PUM1: variants seen among roughly 807,000 people sequenced by gnomAD.
The protein encoded by PUM1 is pumilio homolog 1.
A neutral mutation model predicts 131.8 loss-of-function variants in PUM1; 13 were observed. That is an observed-to-expected ratio of 0.10 (90% CI 0.06 to 0.16). PUM1 has a LOEUF of 0.16. Among genes scored for constraint, PUM1 ranks in the 10% least tolerant of loss-of-function variants. The probability of loss-of-function intolerance (pLI) is 1.00; values close to 1 mark genes in which losing one functional copy is unlikely to be tolerated. For missense variants in PUM1, 961 were observed against 1,512.4 expected, an observed-to-expected ratio of 0.64 and a Z score of 6.05; for synonymous variants, 509 against 556.5, an observed-to-expected ratio of 0.91 and a Z score of 1.20.
chr1:31,035,039 T>G (rs556543514), intron 2 of PUM1, among the ~76,000 whole-genome samples: 2 of 152,338 alleles, frequency 1.3e-5, no homozygotes, highest in East Asian at 3.9e-4. Context: ...CTACAGCATC[T>G]TCTGCACACG....
At chr1:30,969,695 T>C (rs1017617920) in intron 10 of PUM1, among the ~76,000 whole-genome samples, 16 of 152,196 alleles carry the variant, frequency 1.1e-4, no homozygotes, top group Admixed American at 3.9e-4. Flanking sequence ...GACAGGGCCA[T>C]GCTCTGCTGC....
chr1:31,030,775 T>C (rs1412333563), intron 2 of PUM1, among the ~76,000 whole-genome samples: 4 of 152,114 alleles, frequency 2.6e-5, no homozygotes, highest in Non-Finnish European at 5.9e-5. Flanking sequence ...CTAAGAATCT[T>C]AACTGTCAGA....
intron 2 of PUM1, among the ~76,000 whole-genome samples, chr1:31,035,068 C>G (rs1643563017): frequency 6.6e-6 from 1 of 152,188 alleles, no homozygotes; most frequent in Non-Finnish European, 1.5e-5. Flanking sequence ...GTATTAATAA[C>G]AACTATTACT....
intron 7 of PUM1, among the ~76,000 whole-genome samples, chr1:30,983,088 G>A (rs764922965): frequency 2.0e-5 from 3 of 152,198 alleles, no homozygotes; most frequent in Non-Finnish European, 4.4e-5. Flanking sequence ...TCCAGGAAGG[G>A]AGCCAGTCAA....
At chr1:31,036,061 T>C (rs74742904) in intron 2 of PUM1, among the ~76,000 whole-genome samples, 8 of 151,726 alleles carry the variant, frequency 5.3e-5, no homozygotes, top group East Asian at 1.9e-4. Context: ...AGATCCGAAA[T>C]AGAATTCAAA....
At chr1:31,060,808 C>G (rs980828395) in intron 1 of PUM1, among the ~76,000 whole-genome samples, 1 of 151,326 alleles carries the variant, frequency 6.6e-6, no homozygotes, top group Admixed American at 6.6e-5. Context: ...ATCGTTTGAA[C>G]CCGGGAGGCA....
At chr1:31,032,707 TA>T (rs1307126905) in intron 2 of PUM1, among the ~76,000 whole-genome samples, 1 of 152,194 alleles carries the variant, frequency 6.6e-6, no homozygotes, top group African/African-American at 2.4e-5. Context: ...CTCATGAGGC[TA>T]AAGCAGGAGG....
chr1:30,971,677 A>AT (rs1384449395), intron 10 of PUM1, among the ~76,000 whole-genome samples: 1 of 152,172 alleles, frequency 6.6e-6, no homozygotes, highest in Non-Finnish European at 1.5e-5. Flanking sequence ...CACAAATTGT[A>AT]TTTCCTCAAT....
At chr1:30,985,209 C>A (rs1190129730) in intron 7 of PUM1, among the ~76,000 whole-genome samples, 2 of 152,134 alleles carry the variant, frequency 1.3e-5, no homozygotes, top group East Asian at 1.9e-4. Flanking sequence ...TTATAAGAGT[C>A]CTTTATGTGT....
At chr1:30,991,067 G>GT (rs1641769376) in intron 7 of PUM1, among the ~76,000 whole-genome samples, 1 of 123,916 alleles carries the variant, frequency 8.1e-6, no homozygotes, top group African/African-American at 3.8e-5. Context: ...GTAAAGAACA[G>GT]TTTAAAAAAA....
rs773718125 is a variant in PUM1, at chr1:31,049,823, CTTTTTTTTTTTTT to C, written c.363+9368_363+9380del. On this transcript the variant is annotated intron_variant, in intron 2 of 21. Transcript: ENST00000426105. Reference sequence around the variant, plus strand: ...AGAGAAGAGCATCTGACTGAACTTCCTTTTTTTTTTTTTTTTTTTTTTTTGAGACAGAGTCTTG... The same window carrying C: ...AGAGAAGAGCATCTGACTGAACTTCCTTTTTTTTTTTGAGACAGAGTCTTG... Among the ~76,000 whole-genome samples the C allele has an allele frequency of 6.7e-3, 540 of 80,046 alleles. 3 individuals carry two copies. Among genetic ancestry groups the C allele is most frequent in the Admixed American group, 0.012 (65 of 5,398 alleles). The allele number at this position is 80,046 out of a possible 152,430, so 52.5% of individuals were successfully genotyped here.
chr1:30,964,522 C>CT (rs1185906646), intron 14 of PUM1, 152 bp downstream of exon 14: 3 of 730,204 alleles, frequency 4.1e-6, no homozygotes, highest in African/African-American at 1.8e-5. Context: ...TAGGTACAGC[C>CT]TGAATAACAT....
In PUM1 at chr1:30,989,571, C is replaced by CAAAAAAAAAA. The variant is rs1174565063; in HGVS notation, c.1158+2809_1158+2818dup. On this transcript the variant is annotated intron_variant, in intron 7 of 21. Transcript: ENST00000426105. ...TGGGCAAAAGAGTGAGACTCCGTCT[C>CAAAAAAAAAA]AAAAAAAAAAAAAAAAAAAAAAAAA... Among the ~76,000 whole-genome samples, 169 of 27,700 alleles carry CAAAAAAAAAA rather than the reference C, an allele frequency of 6.1e-3. 14 individuals are homozygous for CAAAAAAAAAA. Among genetic ancestry groups the CAAAAAAAAAA allele is most frequent in the Non-Finnish European group, 7.7e-3 (115 of 14,866 alleles). 18.2% of individuals were successfully genotyped at this position (27,700 alleles called of 152,430 possible). A position where few individuals can be genotyped will look rare whatever the true frequency, so the allele number is the denominator to read the frequency against.
chr1:30,974,920 A>G, intron 9 of PUM1, 118 bp from the exon 10 acceptor site: 1 of 721,198 alleles, frequency 1.4e-6, no homozygotes, highest in Non-Finnish European at 2.2e-6. Flanking sequence ...AAAAGTATAT[A>G]TTAATTTATG....
chr1:31,014,124 A>G lies in PUM1; in HGVS notation c.433-7022T>C, dbSNP rs1037172869. ...AAGACCAGCCTGGAAAACATGTGAC[A>G]GCCCATCTCTACAAAAACTTAAAAA... On this transcript the variant is annotated intron_variant, in intron 3 of 21. Coordinates refer to ENST00000426105, the MANE Select transcript of PUM1 (RefSeq NM_001020658.2). Among the ~76,000 whole-genome samples, 13 of 151,786 alleles carry G rather than the reference A, an allele frequency of 8.6e-5. 1 individual carries two copies. Among genetic ancestry groups the G allele is most frequent in the African/African-American group, 2.9e-4 (12 of 41,330 alleles).
intron 3 of PUM1, among the ~76,000 whole-genome samples, chr1:31,028,080 C>T (rs1265924771): frequency 6.6e-6 from 1 of 152,188 alleles, no homozygotes; most frequent in Non-Finnish European, 1.5e-5. Flanking sequence ...CTTATTGTCA[C>T]AGCTACAATA....
chr1:30,975,517 A>ATTTTTT (rs751510345), intron 9 of PUM1, among the ~76,000 whole-genome samples: 20 of 84,168 alleles, frequency 2.4e-4, no homozygotes, highest in African/African-American at 6.3e-4. Flanking sequence ...TACCTGACTA[A>ATTTTTT]TTTTTTTTTT....
At chr1:31,047,373 C>A (rs990932667) in intron 2 of PUM1, among the ~76,000 whole-genome samples, 1 of 152,072 alleles carries the variant, frequency 6.6e-6, no homozygotes, top group Admixed American at 6.6e-5. Flanking sequence ...GATGATTTAC[C>A]CTATCCTCAG....
At position 30,942,223 on chromosome 1, in the gene PUM1, ATATATATATATATG is replaced by A. The variant is rs1205200112; in HGVS notation, c.2995-114_2995-101del. 6.4e-5 allele frequency: 11 copies of A among 171,760 alleles called. No homozygotes were observed. The South Asian group carries it at 1.6e-3, about 24-fold the overall frequency. 10.6% of individuals were successfully genotyped at this position (171,760 alleles called of 1,614,324 possible). A position where few individuals can be genotyped will look rare whatever the true frequency, so the allele number is the denominator to read the frequency against. On this transcript the variant is annotated intron_variant, in intron 18 of 21. Transcript: ENST00000426105. ...TATATATATATATATATATATATAT[ATATATATATATATG>A]TATTATCCCACTAATCTTCACAAAT...
Sources: gnomAD v4.1 joint callset for allele counts (sites outside exome capture counted in the v4.1 genomes callset) on GRCh38, gnomAD v4.1.1 for gene constraint, MANE v1.5 for transcripts, NCBI Gene and HGNC (gene_info 2026-07-23, HGNC 2026-07-21) for gene names.